Variants in HDAC9 observed in about 807,000 individuals in gnomAD.
The protein encoded by HDAC9 is MEF-2 interacting transcription repressor (MITR) protein.
HDAC9 carries 41 observed loss-of-function variants against 139.4 expected under a neutral mutation model. That is an observed-to-expected ratio of 0.29 (90% confidence interval 0.23 to 0.38). The LOEUF is 0.38. HDAC9 is among the 10% of genes least tolerant of loss of function. The pLI is 1.00. For missense variants in HDAC9, 1,147 were observed against 1,297.0 expected (o/e 0.88, Z 1.78); for synonymous variants, 517 against 476.2 (o/e 1.09, Z -1.12).
chr7:18,232,193 C>T (rs1277890011), intron 2 of HDAC9, among the ~76,000 whole-genome samples: 5 of 152,128 alleles, frequency 3.3e-5, no homozygotes, highest in South Asian at 4.1e-4. Flanking sequence ...TTGATTCCAT[C>T]GGGCTTGGCT....
intron 16 of HDAC9, among the ~76,000 whole-genome samples, chr7:18,777,076 A>C (rs1018814434): frequency 6.6e-6 from 1 of 151,874 alleles, no homozygotes; most frequent in Admixed American, 6.6e-5. Flanking sequence ...ATGGAGGTAT[A>C]GAGAAGGTTG....
chr7:18,392,479 T>A (rs1786624122), intron 1 of HDAC9, among the ~76,000 whole-genome samples: 2 of 152,012 alleles, frequency 1.3e-5, no homozygotes, highest in Non-Finnish European at 1.5e-5. Flanking sequence ...GATGTTAAAA[T>A]CCGTTACTGG....
chr7:18,580,873 A>G (rs991279436), intron 2 of HDAC9, among the ~76,000 whole-genome samples: 1 of 152,186 alleles, frequency 6.6e-6, no homozygotes, highest in Non-Finnish European at 1.5e-5. Context: ...AACTTGTTGA[A>G]ACTCAGTCCT....
chr7:18,641,787 G>T (rs1785674261), intron 8 of HDAC9, among the ~76,000 whole-genome samples: 1 of 152,032 alleles, frequency 6.6e-6, no homozygotes, highest in Admixed American at 6.6e-5. Context: ...TTGCAAGAAT[G>T]CTAGTCAGGA....
chr7:18,731,398 T>A (rs1306171489), intron 13 of HDAC9, among the ~76,000 whole-genome samples: 1 of 152,168 alleles, frequency 6.6e-6, no homozygotes, highest in Non-Finnish European at 1.5e-5. Context: ...ACTAAGAAGT[T>A]ATTTAACACA....
intron 1 of HDAC9, among the ~76,000 whole-genome samples, chr7:18,375,303 C>T (rs986767095): frequency 6.6e-6 from 1 of 152,124 alleles, no homozygotes; most frequent in Admixed American, 6.5e-5. Flanking sequence ...AACCCCATCT[C>T]TACTAAAAAT....
intron 11 of HDAC9, among the ~76,000 whole-genome samples, chr7:18,665,838 T>C (rs537306740): frequency 6.6e-6 from 1 of 152,242 alleles, no homozygotes; most frequent in African/African-American, 2.4e-5. Flanking sequence ...CCTTTATCTT[T>C]TGAGAAAAGT....
At chr7:18,550,022 TA>T (rs1816587261) in intron 2 of HDAC9, among the ~76,000 whole-genome samples, 2 of 151,114 alleles carry the variant, frequency 1.3e-5, no homozygotes, top group South Asian at 2.1e-4. Context: ...AGGCATTCTT[TA>T]TTTTTTTTTT....
In HDAC9 at chr7:18,162,145, C is replaced by T. The variant is rs957792573; in HGVS notation, c.-96-84C>T. Reference sequence around the variant, plus strand: ...TGGTCGCGCTGTGGCTGAGTCGACACTCAAGGCCAGTTCTCTGTGTTTCTT... The same window carrying T: ...TGGTCGCGCTGTGGCTGAGTCGACATTCAAGGCCAGTTCTCTGTGTTTCTT... On this transcript the variant is annotated intron_variant, in intron 1 of 12. Coordinates refer to the HDAC9 transcript ENST00000417496. The T allele has an allele frequency of 1.5e-5, 9 of 599,126 alleles. No homozygotes were observed. The South Asian group carries it at 1.6e-4, about 11-fold the overall frequency. 37.1% of individuals were successfully genotyped at this position (599,126 alleles called of 1,614,324 possible). A position where few individuals can be genotyped will look rare whatever the true frequency, so the allele number is the denominator to read the frequency against.
chr7:18,968,698 G>T (rs889764573), intron 24 of HDAC9, among the ~76,000 whole-genome samples: 1 of 152,084 alleles, frequency 6.6e-6, no homozygotes, highest in South Asian at 2.1e-4. Flanking sequence ...AGTGGCTCAC[G>T]CCTGTAATCC....
At chr7:18,520,566 T>C (rs952581729) in intron 2 of HDAC9, among the ~76,000 whole-genome samples, 14 of 152,202 alleles carry the variant, frequency 9.2e-5, no homozygotes, top group African/African-American at 3.4e-4. Flanking sequence ...ACCTGGGTTT[T>C]CTCAACTGCC....
At chr7:18,409,675 A>G (rs1309108501) in intron 1 of HDAC9, among the ~76,000 whole-genome samples, 1 of 152,166 alleles carries the variant, frequency 6.6e-6, no homozygotes, top group African/African-American at 2.4e-5. Flanking sequence ...TTTCGAGTCC[A>G]TGTTTTCATT....
chr7:18,651,811 G>A (rs1002411391), intron 11 of HDAC9, among the ~76,000 whole-genome samples: 2 of 152,038 alleles, frequency 1.3e-5, no homozygotes, highest in Non-Finnish European at 2.9e-5. Flanking sequence ...GCCTCTTACA[G>A]TTACGGTGTA....
At chr7:18,589,300 A>G (rs1181394552) in intron 3 of HDAC9, among the ~76,000 whole-genome samples, 1 of 152,158 alleles carries the variant, frequency 6.6e-6, no homozygotes, top group Non-Finnish European at 1.5e-5. Flanking sequence ...CCAAGGTTGG[A>G]GCATCACTTG....
chr7:18,939,429 TG>T, intron 23 of HDAC9, among the ~76,000 whole-genome samples: 1 of 152,166 alleles, frequency 6.6e-6, no homozygotes, highest in East Asian at 1.9e-4. Flanking sequence ...ACAAATGTGT[TG>T]TACATTATAA....
chr7:18,426,444 C>T (rs75573725), intron 1 of HDAC9, among the ~76,000 whole-genome samples: 7,337 of 152,154 alleles, frequency 0.048, 313 homozygotes, highest in East Asian at 0.18. Flanking sequence ...AGCTTTTATC[C>T]AGGGATAGCT....
chr7:18,557,007 A>G (rs1262810936), intron 2 of HDAC9, among the ~76,000 whole-genome samples: 2 of 152,054 alleles, frequency 1.3e-5, no homozygotes, highest in African/African-American at 4.8e-5. Flanking sequence ...GGGCTTCTTA[A>G]TATCTTTTAA....
chr7:18,196,990 G>A (rs569304588), intron 2 of HDAC9, among the ~76,000 whole-genome samples: 13 of 152,322 alleles, frequency 8.5e-5, no homozygotes, highest in African/African-American at 3.1e-4. Flanking sequence ...AGACTGAGTA[G>A]AGCAGATTGC....
intron 2 of HDAC9, among the ~76,000 whole-genome samples, chr7:18,535,722 C>CAAAAA (rs72123660): frequency 2.4e-4 from 12 of 49,244 alleles, no homozygotes; most frequent in Admixed American, 3.1e-4. Context: ...AGGCATTAAG[C>CAAAAA]AAAAAAAAAA....
Sources: gnomAD v4.1 joint callset for allele counts (sites outside exome capture counted in the v4.1 genomes callset) on GRCh38, gnomAD v4.1.1 for gene constraint, MANE v1.5 for transcripts, NCBI Gene and HGNC (gene_info 2026-07-23, HGNC 2026-07-21) for gene names.